Variants in LINGO2 observed in about 807,000 individuals in gnomAD.
LINGO2 encodes the protein leucine-rich repeat and immunoglobulin-like domain-containing nogo receptor-interacting protein 2.
A neutral mutation model predicts 30.6 loss-of-function variants in LINGO2; 14 were observed. The ratio of observed to expected loss-of-function variants is 0.46; its 90% CI spans 0.30 to 0.72. The LOEUF (loss-of-function observed/expected upper bound fraction) is 0.72, where lower values mean the gene tolerates loss of function less well. Among genes scored for constraint, LINGO2 ranks in the 30% least tolerant of loss-of-function variants. The pLI, the probability that LINGO2 is intolerant of heterozygous loss-of-function variation, is 0.07. For synonymous variants in LINGO2, 317 were observed against 288.5 expected, an observed-to-expected ratio of 1.10 and a Z score of -1.00; for missense variants, 729 against 751.7, an observed-to-expected ratio of 0.97 and a Z score of 0.35.
intron 4 of LINGO2, among the ~76,000 whole-genome samples, chr9:28,051,419 T>TA (rs1824666582): frequency 6.6e-6 from 1 of 152,132 alleles, no homozygotes; most frequent in South Asian, 2.1e-4. Context: ...GAAACAATTC[T>TA]AACAACTTTC....
At chr9:29,066,288 G>C in the LINGO2 span, among the ~76,000 whole-genome samples, 3 of 151,878 alleles carry the variant, frequency 2.0e-5, no homozygotes. Flanking sequence ...GTGATACGTC[G>C]CAAGAGAAGA....
the LINGO2 span, among the ~76,000 whole-genome samples, chr9:28,967,043 C>T: frequency 2.0e-5 from 3 of 152,114 alleles, no homozygotes; most frequent in African/African-American, 7.2e-5. Context: ...AAATGAGGCA[C>T]TGACGGTATT....
At chr9:28,656,462 C>A (rs1465814228) in intron 1 of LINGO2, among the ~76,000 whole-genome samples, 1 of 151,918 alleles carries the variant, frequency 6.6e-6, no homozygotes, top group African/African-American at 2.4e-5. Flanking sequence ...TTGTATGATG[C>A]AAGGAGAATA....
At chr9:28,200,338 C>T (rs574257879) in intron 4 of LINGO2, among the ~76,000 whole-genome samples, 1 of 151,870 alleles carries the variant, frequency 6.6e-6, no homozygotes, top group Non-Finnish European at 1.5e-5. Flanking sequence ...CATTTTATTA[C>T]GTTTAGGGGA....
chr9:28,892,452 G>A, the LINGO2 span, among the ~76,000 whole-genome samples: 2 of 151,994 alleles, frequency 1.3e-5, no homozygotes, highest in South Asian at 4.1e-4. Flanking sequence ...GCTTATTCTT[G>A]ATACTGAATC....
chr9:29,001,113 G>C, the LINGO2 span, among the ~76,000 whole-genome samples: 2 of 151,178 alleles, frequency 1.3e-5, no homozygotes, highest in African/African-American at 4.8e-5. Context: ...GTGAACGTGA[G>C]AGAGAGAGAG....
At chr9:28,297,804 A>C (rs975153946) in intron 3 of LINGO2, among the ~76,000 whole-genome samples, 2 of 152,228 alleles carry the variant, frequency 1.3e-5, no homozygotes, top group African/African-American at 2.4e-5. Flanking sequence ...GTACAATAAC[A>C]TCTACGGCAT....
chr9:28,338,080 C>T lies in LINGO2; in HGVS notation c.-246+34756G>A, dbSNP rs115595533. 4.9e-3 allele frequency among the ~76,000 whole-genome samples: 740 copies of T among 152,238 alleles called. 8 individuals are homozygous for T. The highest frequency in any genetic ancestry group is 0.017 in the African/African-American group (686 of 41,562). On this transcript the variant is annotated intron_variant, in intron 3 of 5. Coordinates refer to ENST00000379992, the Ensembl canonical transcript of LINGO2. ...ACTCAATGCCAGCCTATGAAAGAAC[C>T]GAGAAGGGGAGATGTACCTGGCAAA... is the stretch of plus-strand genomic sequence containing the variant.
At chr9:28,442,617 G>C (rs1564201979) in intron 2 of LINGO2, among the ~76,000 whole-genome samples, 1 of 151,662 alleles carries the variant, frequency 6.6e-6, no homozygotes, top group Admixed American at 6.6e-5. Flanking sequence ...TCCATTAAAT[G>C]CATTCATTTA....
intron 4 of LINGO2, among the ~76,000 whole-genome samples, chr9:28,180,473 T>C (rs1179331267): frequency 1.3e-5 from 2 of 152,026 alleles, no homozygotes; most frequent in Non-Finnish European, 2.9e-5. Context: ...ACTACGGTCA[T>C]TATTTGGCAA....
intron 4 of LINGO2, among the ~76,000 whole-genome samples, chr9:28,182,742 A>C (rs975330305): frequency 2.6e-5 from 4 of 152,244 alleles, no homozygotes; most frequent in Admixed American, 6.5e-5. Flanking sequence ...AATGCAAATC[A>C]AAACCAAAAT....
At chr9:28,612,730 T>TTTGGAC (rs1825973119) in intron 1 of LINGO2, among the ~76,000 whole-genome samples, 2 of 152,166 alleles carry the variant, frequency 1.3e-5, no homozygotes, top group Admixed American at 6.5e-5. Context: ...CAGATGAGAC[T>TTTGGAC]TTGGACTTGG....
intron 1 of LINGO2, among the ~76,000 whole-genome samples, chr9:28,596,434 GCTT>G (rs1322043088): frequency 6.6e-6 from 1 of 152,146 alleles, no homozygotes; most frequent in African/African-American, 2.4e-5. Context: ...TCAGTTGGAT[GCTT>G]CTTAACAAAT....
chr9:28,863,723 TG>T, the LINGO2 span: 1 of 506,630 alleles, frequency 2.0e-6, no homozygotes, highest in Non-Finnish European at 4.2e-6. Flanking sequence ...GTGTAAAGCC[TG>T]GTACCTATGA....
intron 3 of LINGO2, among the ~76,000 whole-genome samples, chr9:28,300,228 G>T (rs1298577713): frequency 6.6e-6 from 1 of 151,678 alleles, no homozygotes; most frequent in African/African-American, 2.4e-5. Flanking sequence ...TCAGTGTTTT[G>T]CTGATGAACA....
At chr9:29,213,026 G>A in the LINGO2 span, among the ~76,000 whole-genome samples, 11 of 152,130 alleles carry the variant, frequency 7.2e-5, no homozygotes, top group African/African-American at 1.4e-4. Context: ...CCTCAGCTCT[G>A]AAGGCTCCTC....
the LINGO2 span, among the ~76,000 whole-genome samples, chr9:28,821,924 G>T: frequency 6.6e-6 from 1 of 152,114 alleles, no homozygotes; most frequent in Admixed American, 6.5e-5. Context: ...ACAATGCTGT[G>T]CCTCTCTAAG....
chr9:28,299,459 CT>C (rs1824053130), intron 3 of LINGO2, among the ~76,000 whole-genome samples: 1 of 146,456 alleles, frequency 6.8e-6, no homozygotes, highest in African/African-American at 2.5e-5. Context: ...TTTTTTTTTT[CT>C]ATTCATTTAG....
chr9:28,163,800 C>T (rs957290675), intron 4 of LINGO2, among the ~76,000 whole-genome samples: 2 of 152,138 alleles, frequency 1.3e-5, no homozygotes, highest in Admixed American at 6.5e-5. Flanking sequence ...TCTGCCTAAA[C>T]GAGATCCAAC....
Sources: gnomAD v4.1 joint callset for allele counts (sites outside exome capture counted in the v4.1 genomes callset) on GRCh38, gnomAD v4.1.1 for gene constraint, MANE v1.5 for transcripts, NCBI Gene and HGNC (gene_info 2026-07-23, HGNC 2026-07-21) for gene names.